Variants in IPO11 observed in about 807,000 individuals in gnomAD.
IPO11 encodes importin 11.
IPO11 carries 66 observed loss-of-function variants against 143.2 expected under a neutral mutation model. That is an observed-to-expected ratio of 0.46 (90% CI 0.38 to 0.57). IPO11 has a LOEUF of 0.57. Among genes scored for constraint, IPO11 ranks in the 20% least tolerant of loss-of-function variants. The probability of loss-of-function intolerance (pLI) is 0.00; values close to 1 mark genes in which losing one functional copy is unlikely to be tolerated. For synonymous variants in IPO11, 385 were observed against 377.8 expected (o/e 1.02, Z -0.22); for missense variants, 1,026 against 1,141.0 (o/e 0.90, Z 1.45).
chr5:62,499,000 CTG>C (rs1741249806), intron 16 of IPO11, among the ~76,000 whole-genome samples: 1 of 152,140 alleles, frequency 6.6e-6, no homozygotes, highest in Non-Finnish European at 1.5e-5. Context: ...AAGATATAAA[CTG>C]TGGTATAATC....
chr5:62,514,656 A>G (rs941047104), intron 19 of IPO11, among the ~76,000 whole-genome samples: 1 of 150,856 alleles, frequency 6.6e-6, no homozygotes, highest in Non-Finnish European at 1.5e-5. Context: ...GACATCCCCA[A>G]GGATATTCTT....
chr5:62,604,294 C>T lies in IPO11; in HGVS notation c.2763+2446C>T, dbSNP rs141631215. Among the ~76,000 whole-genome samples, 123 of 152,144 alleles carry T rather than the reference C, an allele frequency of 8.1e-4. 1 individual carries two copies. The highest frequency in any genetic ancestry group is 2.7e-3 in the African/African-American group (111 of 41,502). On this transcript the variant is annotated intron_variant, in intron 29 of 29. Transcript: ENST00000325324. ...TATGATCTCGGCTCTCTGCAACCTC[C>T]GCCTCCCAGGTTCAAGCAGTAACCA... is the stretch of plus-strand genomic sequence containing the variant.
At chr5:62,546,751 C>T (rs376967546) in intron 24 of IPO11, among the ~76,000 whole-genome samples, 6 of 152,114 alleles carry the variant, frequency 3.9e-5, no homozygotes, top group African/African-American at 1.4e-4. Flanking sequence ...ACACCTTGTC[C>T]AGTTACACAG....
chr5:62,471,481 A>G (rs1745770996), intron 7 of IPO11, among the ~76,000 whole-genome samples: 1 of 152,148 alleles, frequency 6.6e-6, no homozygotes, highest in African/African-American at 2.4e-5. Flanking sequence ...AATTTCAGGA[A>G]AAGAAACTAA....
At chr5:62,619,724 G>T (rs1746276495) in intron 29 of IPO11, among the ~76,000 whole-genome samples, 1 of 151,822 alleles carries the variant, frequency 6.6e-6, no homozygotes, top group East Asian at 1.9e-4. Flanking sequence ...ACGGTGGTGG[G>T]CGCCTGTAGT....
chr5:62,551,719 C>T (rs77591016), intron 26 of IPO11, among the ~76,000 whole-genome samples: 14,000 of 152,106 alleles, frequency 0.092, 661 homozygotes, highest in South Asian at 0.15. Flanking sequence ...GAGAGTATTT[C>T]TGTTCTGTTT....
At chr5:62,583,386 AT>A (rs1744641733) in intron 27 of IPO11, among the ~76,000 whole-genome samples, 2 of 152,338 alleles carry the variant, frequency 1.3e-5, no homozygotes, top group South Asian at 4.1e-4. Flanking sequence ...GAAAATTTAT[AT>A]AACAAAGTAT....
chr5:62,622,458 T>TA (rs1305655219), intron 29 of IPO11, among the ~76,000 whole-genome samples: 1 of 152,216 alleles, frequency 6.6e-6, no homozygotes, highest in Non-Finnish European at 1.5e-5. Flanking sequence ...ACCCTGTACC[T>TA]AGCAGAAGCC....
intron 1 of IPO11, among the ~76,000 whole-genome samples, chr5:62,416,714 TC>T (rs1254716749): frequency 3.2e-5 from 4 of 125,500 alleles, no homozygotes; most frequent in African/African-American, 1.2e-4. Context: ...TCTCTTATTA[TC>T]TTTTTTTTTT....
intron 12 of IPO11, 129 bp from the exon 13 acceptor site, chr5:62,487,642 T>TTAA: frequency 9.6e-7 from 1 of 1,038,176 alleles, no homozygotes. Context: ...TTTTTTTTTT[T>TTAA]AACAAATCAA....
chr5:62,500,326 C>G (rs573097840), intron 16 of IPO11, among the ~76,000 whole-genome samples: 1 of 152,228 alleles, frequency 6.6e-6, no homozygotes, highest in East Asian at 1.9e-4. Flanking sequence ...GTCATACCTA[C>G]TGAAGGACCT....
chr5:62,501,767 G>A (rs1162309330), intron 16 of IPO11, among the ~76,000 whole-genome samples: 2 of 152,132 alleles, frequency 1.3e-5, no homozygotes, highest in African/African-American at 2.4e-5. Flanking sequence ...ATTAGGAATA[G>A]GGATAGGAAA....
At chr5:62,467,739 T>C (rs747678058) in intron 6 of IPO11, among the ~76,000 whole-genome samples, 1 of 152,196 alleles carries the variant, frequency 6.6e-6, no homozygotes. Flanking sequence ...GGATGCCATC[T>C]TGGCCTGTGT....
chr5:62,458,070 C>T (rs1236774710), intron 5 of IPO11, among the ~76,000 whole-genome samples: 13 of 143,286 alleles, frequency 9.1e-5, no homozygotes, highest in African/African-American at 1.3e-4. Flanking sequence ...TGGCGTGAAT[C>T]GGGGAGGCGG....
intron 29 of IPO11, among the ~76,000 whole-genome samples, chr5:62,606,953 A>G (rs975006440): frequency 4.6e-5 from 7 of 152,166 alleles, no homozygotes; most frequent in African/African-American, 1.7e-4. Flanking sequence ...TTTCATGCCA[A>G]ATATAACAAA....
At chr5:62,415,002 A>G (rs1381046276) in intron 1 of IPO11, among the ~76,000 whole-genome samples, 1 of 152,168 alleles carries the variant, frequency 6.6e-6, no homozygotes, top group Non-Finnish European at 1.5e-5. Flanking sequence ...TTTGCTGGTT[A>G]CTGTCAGAGC....
intron 28 of IPO11, among the ~76,000 whole-genome samples, chr5:62,593,515 G>A (rs552133769): frequency 7.8e-4 from 118 of 152,164 alleles, no homozygotes; most frequent in Admixed American, 1.6e-3. Flanking sequence ...CAAAAAAAGT[G>A]GAGTGACACA....
chr5:62,544,477 A>G (rs541633143), intron 24 of IPO11, among the ~76,000 whole-genome samples: 2 of 152,304 alleles, frequency 1.3e-5, no homozygotes, highest in Non-Finnish European at 2.9e-5. Flanking sequence ...ATTTATGACA[A>G]ACCCACAGCC....
intron 24 of IPO11, among the ~76,000 whole-genome samples, chr5:62,540,098 G>A (rs1742877507): frequency 6.6e-6 from 1 of 151,972 alleles, no homozygotes; most frequent in African/African-American, 2.4e-5. Flanking sequence ...TGCTCTGTTT[G>A]CTCTGAATAC....
Sources: gnomAD v4.1 joint callset for allele counts (sites outside exome capture counted in the v4.1 genomes callset) on GRCh38, gnomAD v4.1.1 for gene constraint, MANE v1.5 for transcripts, NCBI Gene and HGNC (gene_info 2026-07-23, HGNC 2026-07-21) for gene names.